ST6GALNAC3: variants seen among roughly 807,000 people sequenced by gnomAD.
The protein encoded by ST6GALNAC3 is alpha-N-acetylgalactosaminide alpha-2,6-sialyltransferase 3.
In ST6GALNAC3, 25 loss-of-function variants were observed where a neutral mutation model predicts 32.7. That is an observed-to-expected ratio of 0.76 (90% CI 0.56 to 1.07). The LOEUF is 1.07. ST6GALNAC3 is among the 50% of genes least tolerant of loss of function. The pLI, the probability that ST6GALNAC3 is intolerant of heterozygous loss-of-function variation, is 0.00. For missense variants in ST6GALNAC3, 355 were observed against 382.4 expected, an observed-to-expected ratio of 0.93 and a Z score of 0.60; for synonymous variants, 129 against 133.1, an observed-to-expected ratio of 0.97 and a Z score of 0.21.
chr1:76,114,538 A>T (rs1405390319), intron 1 of ST6GALNAC3, among the ~76,000 whole-genome samples: 1 of 152,226 alleles, frequency 6.6e-6, no homozygotes, highest in Non-Finnish European at 1.5e-5. Context: ...TGACGCATGC[A>T]TAATTAGGTA....
At chr1:76,508,965 G>A (rs554751082) in intron 3 of ST6GALNAC3, among the ~76,000 whole-genome samples, 28 of 152,122 alleles carry the variant, frequency 1.8e-4, no homozygotes, top group Non-Finnish European at 1.8e-4. Flanking sequence ...AGGACAATAT[G>A]CATTTAGAAT....
chr1:76,111,184 A>G (rs1263299338), intron 1 of ST6GALNAC3, among the ~76,000 whole-genome samples: 2 of 152,094 alleles, frequency 1.3e-5, no homozygotes, highest in Admixed American at 6.5e-5. Context: ...ATGGTTTTTG[A>G]GTGAATTATT....
At chr1:76,351,423 T>C (rs1648969894) in intron 2 of ST6GALNAC3, among the ~76,000 whole-genome samples, 1 of 152,160 alleles carries the variant, frequency 6.6e-6, no homozygotes, top group South Asian at 2.1e-4. Flanking sequence ...CAGAAAATTC[T>C]CTTTTTATCT....
intron 3 of ST6GALNAC3, among the ~76,000 whole-genome samples, chr1:76,606,413 C>T (rs555000039): frequency 9.9e-4 from 150 of 152,158 alleles, no homozygotes; most frequent in Non-Finnish European, 1.8e-3. Context: ...ATGTCCCTTG[C>T]AGGGACATGA....
At chr1:76,567,199 A>G (rs1250762644) in intron 3 of ST6GALNAC3, among the ~76,000 whole-genome samples, 3 of 152,222 alleles carry the variant, frequency 2.0e-5, no homozygotes, top group South Asian at 4.1e-4. Context: ...TAAAGCCATG[A>G]GACCCTCTCA....
chr1:76,221,702 G>T (rs1005977668), intron 1 of ST6GALNAC3, among the ~76,000 whole-genome samples: 2 of 152,016 alleles, frequency 1.3e-5, no homozygotes, highest in Admixed American at 1.3e-4. Context: ...AACAAAAAAG[G>T]TTTAAGTATG....
chr1:76,151,481 A>G (rs886426859), intron 1 of ST6GALNAC3, among the ~76,000 whole-genome samples: 1 of 152,214 alleles, frequency 6.6e-6, no homozygotes, highest in Non-Finnish European at 1.5e-5. Flanking sequence ...TCCAGTGTAC[A>G]TAGTTTATGT....
intron 3 of ST6GALNAC3, among the ~76,000 whole-genome samples, chr1:76,554,207 T>C (rs1489980934): frequency 2.0e-5 from 3 of 151,910 alleles, no homozygotes; most frequent in East Asian, 1.9e-4. Context: ...ACAGCAACAA[T>C]TCATGTAGTT....
intron 1 of ST6GALNAC3, among the ~76,000 whole-genome samples, chr1:76,199,079 A>G (rs77620308): frequency 2.0e-5 from 3 of 152,298 alleles, no homozygotes; most frequent in Non-Finnish European, 2.9e-5. Context: ...GTTTCCATCC[A>G]TGGCTCAAAT....
intron 1 of ST6GALNAC3, among the ~76,000 whole-genome samples, chr1:76,302,967 C>A (rs1297024814): frequency 6.6e-6 from 1 of 151,904 alleles, no homozygotes; most frequent in Admixed American, 6.6e-5. Flanking sequence ...GTCCAAATAC[C>A]CCCTAGAGGT....
intron 1 of ST6GALNAC3, among the ~76,000 whole-genome samples, chr1:76,255,104 C>T (rs72675953): frequency 0.033 from 4,913 of 150,910 alleles, 120 homozygotes; most frequent in African/African-American, 0.066. Flanking sequence ...TGACACCATT[C>T]TGGTTTGGTC....
intron 1 of ST6GALNAC3, among the ~76,000 whole-genome samples, chr1:76,104,430 C>T (rs1018436657): frequency 6.6e-6 from 1 of 152,122 alleles, no homozygotes; most frequent in Non-Finnish European, 1.5e-5. Flanking sequence ...TAGGACACAG[C>T]TCTTTGAGGA....
intron 2 of ST6GALNAC3, among the ~76,000 whole-genome samples, chr1:76,404,585 C>T (rs960528870): frequency 6.6e-6 from 1 of 152,110 alleles, no homozygotes; most frequent in East Asian, 1.9e-4. Context: ...TCCCCAATGC[C>T]GTCATTATAC....
intron 3 of ST6GALNAC3, among the ~76,000 whole-genome samples, chr1:76,566,684 G>A (rs192638115): frequency 6.6e-6 from 1 of 152,158 alleles, no homozygotes; most frequent in Admixed American, 6.5e-5. Flanking sequence ...ATAAAATAAA[G>A]TCCCCTGCCT....
intron 3 of ST6GALNAC3, among the ~76,000 whole-genome samples, chr1:76,589,484 C>A (rs1236429480): frequency 6.6e-6 from 1 of 151,222 alleles, no homozygotes; most frequent in Non-Finnish European, 1.5e-5. Flanking sequence ...CCCTTCTGAG[C>A]TGAAAAAAAA....
intron 1 of ST6GALNAC3, among the ~76,000 whole-genome samples, chr1:76,176,644 C>A (rs1168511831): frequency 6.6e-6 from 1 of 151,780 alleles, no homozygotes; most frequent in African/African-American, 2.4e-5. Context: ...TTTTCCTAAA[C>A]ATAATGTACA....
At chr1:76,079,855 C>A (rs375418855) in intron 1 of ST6GALNAC3, among the ~76,000 whole-genome samples, 12 of 152,350 alleles carry the variant, frequency 7.9e-5, no homozygotes, top group Middle Eastern at 3.4e-3. Flanking sequence ...AGAGTCACAT[C>A]TGTGGTCAGG....
chr1:76,426,330 T>C (rs113032389), intron 3 of ST6GALNAC3, among the ~76,000 whole-genome samples: 4,552 of 151,856 alleles, frequency 0.03, 96 homozygotes, highest in African/African-American at 0.058. Flanking sequence ...TACCCAGTTG[T>C]TGAGTGGGTA....
chr1:76,348,202 C>G (rs942077443), intron 2 of ST6GALNAC3, among the ~76,000 whole-genome samples: 5 of 152,146 alleles, frequency 3.3e-5, no homozygotes, highest in African/African-American at 1.2e-4. Flanking sequence ...TAACTTTCTA[C>G]ACTATGGTAC....
Sources: allele counts gnomAD v4.1 joint callset (sites outside exome capture counted in the v4.1 genomes callset), GRCh38; gene constraint gnomAD v4.1.1; transcripts MANE v1.5; gene names NCBI Gene and HGNC (gene_info 2026-07-23, HGNC 2026-07-21).